The following DST variants were observed in gnomAD, a reference collection of about 807,000 sequenced individuals.
The protein encoded by DST is bullous pemphigoid antigen.
A neutral mutation model predicts 875.2 loss-of-function variants in DST; 253 were observed. That is an observed-to-expected ratio of 0.29 (90% CI 0.26 to 0.32). The LOEUF (loss-of-function observed/expected upper bound fraction) is 0.32. Among genes scored for constraint, DST ranks in the 10% least tolerant of loss-of-function variants. The pLI, the probability that DST is intolerant of heterozygous loss-of-function variation, is 1.00. For missense variants in DST, 8,287 were observed against 9,111.6 expected, an observed-to-expected ratio of 0.91 and a Z score of 3.68; for synonymous variants, 3,124 against 3,197.1, an observed-to-expected ratio of 0.98 and a Z score of 0.77.
intron 102 of DST, chr6:56,461,990 C>T (rs1020397424): frequency 2.0e-5 from 3 of 152,210 alleles, no homozygotes; most frequent in Non-Finnish European, 2.9e-5. Flanking sequence ...GAAGGTAACA[C>T]ATTTTTTCTC....
At chr6:56,566,388 T>A (rs34049027) in intron 55 of DST, among the ~76,000 whole-genome samples, 43,180 of 152,110 alleles carry the variant, frequency 0.28, 7,496 homozygotes, top group Middle Eastern at 0.4. Flanking sequence ...AAGTGTAGTA[T>A]CTGGGCCAGA....
chr6:56,699,925 T>C (rs1318703901), intron 8 of DST, among the ~76,000 whole-genome samples, 180 bp from the exon 9 acceptor site: 1 of 152,240 alleles, frequency 6.6e-6, no homozygotes, highest in African/African-American at 2.4e-5. Context: ...ACAAATCATA[T>C]GGTAACAACA....
chr6:56,566,785 T>C (rs889454225), intron 55 of DST, among the ~76,000 whole-genome samples: 2 of 152,204 alleles, frequency 1.3e-5, no homozygotes, highest in African/African-American at 2.4e-5. Context: ...TACTTAAAGA[T>C]TGAAAATTGT....
chr6:56,870,780 C>T (rs1194671143), intron 3 of DST, among the ~76,000 whole-genome samples: 4 of 151,962 alleles, frequency 2.6e-5, no homozygotes, highest in Non-Finnish European at 5.9e-5. Context: ...AACAAGGCCC[C>T]ACTGGTGAAA....
At chr6:56,738,535 T>C (rs2099534892) in intron 4 of DST, among the ~76,000 whole-genome samples, 1 of 152,150 alleles carries the variant, frequency 6.6e-6, no homozygotes, top group South Asian at 2.1e-4. Flanking sequence ...TTAGCCAGGA[T>C]GGTCTCAATC....
chr6:56,657,491 G>GA (rs1484094485), intron 10 of DST, among the ~76,000 whole-genome samples: 1 of 151,842 alleles, frequency 6.6e-6, no homozygotes, highest in African/African-American at 2.4e-5. Context: ...CTGATCACTT[G>GA]AAAAAACACT....
intron 4 of DST, among the ~76,000 whole-genome samples, chr6:56,817,803 CA>C (rs1205088158): frequency 1.3e-5 from 2 of 152,106 alleles, no homozygotes; most frequent in Non-Finnish European, 2.9e-5. Flanking sequence ...AATAGTTCCC[CA>C]AAGATGTGCA....
intron 9 of DST, chr6:56,692,344 T>C (rs2099236100): frequency 1.9e-6 from 2 of 1,056,584 alleles, no homozygotes; most frequent in Non-Finnish European, 2.5e-6. Flanking sequence ...TGTGAGCACC[T>C]GGAACACTTA....
intron 4 of DST, among the ~76,000 whole-genome samples, chr6:56,782,950 C>T (rs1406938548): frequency 2.0e-5 from 3 of 152,142 alleles, no homozygotes; most frequent in Non-Finnish European, 4.4e-5. Flanking sequence ...TTTCAAAGAA[C>T]ATCTTTATTA....
intron 2 of DST, among the ~76,000 whole-genome samples, chr6:56,929,235 TA>T (rs750849838): frequency 4.6e-5 from 7 of 152,172 alleles, no homozygotes; most frequent in Non-Finnish European, 8.8e-5. Flanking sequence ...ATCCCACAGA[TA>T]ACATTTGCAC....
chr6:56,662,426 TA>T (rs1430910420), intron 10 of DST, among the ~76,000 whole-genome samples: 1 of 152,142 alleles, frequency 6.6e-6, no homozygotes, highest in Non-Finnish European at 1.5e-5. Flanking sequence ...ACACATACAA[TA>T]GAATACCATA....
At chr6:56,695,732 T>C (rs17751682) in intron 9 of DST, among the ~76,000 whole-genome samples, 21,621 of 152,282 alleles carry the variant, frequency 0.14, 2,099 homozygotes, top group Non-Finnish European at 0.22. Flanking sequence ...GCTAATGATA[T>C]AGGATTACTG....
rs752943155 is a variant in DST at position 56,553,433 on chromosome 6, T to C, written c.15359A>G (p.Glu5120Gly). 4 of 1,603,614 alleles carry C rather than the reference T, an allele frequency of 2.5e-6. No individual in the cohort carries two copies. In the East Asian group the frequency reaches 6.7e-5, roughly 27 times the overall value. The change falls in exon 61 of 104, where the codon GAA becomes GGA. Residue 5120 changes from glutamate (E) to glycine (G), a missense_variant. This residue lies in a region of DST where 1,513 missense variants were observed against 1,677.8 expected (regional missense o/e 0.90). Transcript: ENST00000680361. ...TGTTTTTAATAACAGATTTTCACCT[T>C]CTGCAATGGTTTTTTCATACATATG... ...QSHMYEKTIA[E>G]GENLLLKTQG... is the part of the protein sequence containing the mutation.
Position 56,605,630 on chromosome 6 carries a change from T to C in DST, c.8998A>G (p.Thr3000Ala). 1 of 1,613,012 alleles carries C rather than the reference T, an allele frequency of 6.2e-7. No individual in the cohort carries two copies. Among genetic ancestry groups the C allele is most frequent in the Non-Finnish European group, 8.5e-7 (1 of 1,179,310 alleles). The change falls in exon 40 of 104, where the codon ACT (threonine) becomes GCT (alanine). Residue 3000 changes from threonine (T) to alanine (A), a missense_variant. By Grantham distance (58) the Thr-to-Ala change is moderately conservative. Transcript: ENST00000680361. ...VDSSLDHIIC[T>A]EPDLIGKPAE... ...GGTTTTCCTATTAAATCAGGCTCAGTACAAATGATGTGATCAAGAGATGAG... is the reference window on the plus strand; with the variant it reads ...GGTTTTCCTATTAAATCAGGCTCAGCACAAATGATGTGATCAAGAGATGAG...
chr6:56,836,854 A>AAAG (rs1481592911), intron 4 of DST, among the ~76,000 whole-genome samples: 2,946 of 146,980 alleles, frequency 0.02, 105 homozygotes, highest in African/African-American at 0.068. Flanking sequence ...CCATCTCAAA[A>AAAG]AAAAAAAAAG....
Position 56,471,231 on chromosome 6 carries a change from C to G in DST, c.22196G>C (p.Arg7399Pro). ...ATTCATCCATCGCATGTATTTTTTGCGCCAGATATCAAAATCAAAGTTAGC... is the reference window on the plus strand; with the variant it reads ...ATTCATCCATCGCATGTATTTTTTGGGCCAGATATCAAAATCAAAGTTAGC... Reference protein sequence around the residue: ...EFANFDFDIWRKKYMRWMNHK... With the variant: ...EFANFDFDIWPKKYMRWMNHK... The change falls in exon 95 of 104, where the codon CGC becomes CCC. Residue 7399 changes from arginine to proline, a missense_variant. Around this residue, in one of 10 missense-constraint regions of DST, gnomAD observed 1,292 missense variants for 1,552.7 expected, o/e 0.83. Transcript: ENST00000680361. 1 of 1,594,860 alleles carries G rather than the reference C, an allele frequency of 6.3e-7. No individual in the cohort carries two copies. Among genetic ancestry groups the G allele is most frequent in the African/African-American group, 1.3e-5 (1 of 74,660 alleles).
intron 2 of DST, among the ~76,000 whole-genome samples, chr6:56,913,886 T>A (rs1799764984): frequency 6.6e-6 from 1 of 152,222 alleles, no homozygotes; most frequent in Non-Finnish European, 1.5e-5. Flanking sequence ...CCTAATCTGA[T>A]GATTTTTTTT....
intron 3 of DST, among the ~76,000 whole-genome samples, chr6:56,866,371 G>A (rs1010350740): frequency 9.2e-5 from 14 of 152,174 alleles, no homozygotes; most frequent in African/African-American, 1.9e-4. Context: ...TCTTCCAACT[G>A]ATCTTGCTTG....
intron 2 of DST, among the ~76,000 whole-genome samples, chr6:56,930,006 T>A (rs115226720): frequency 6.6e-6 from 1 of 152,232 alleles, no homozygotes; most frequent in East Asian, 1.9e-4. Context: ...TTGTATTCCA[T>A]TTAAGTTTCT....
Sources: allele counts gnomAD v4.1 joint callset (sites outside exome capture counted in the v4.1 genomes callset), GRCh38; gene constraint gnomAD v4.1.1; regional missense constraint gnomAD v4.1.1; transcripts MANE v1.5; gene names NCBI Gene and HGNC (gene_info 2026-07-23, HGNC 2026-07-21).